Variants in GNAQ observed in about 807,000 individuals in gnomAD.
GNAQ encodes guanine nucleotide-binding protein G(q) subunit alpha.
In GNAQ, 8 loss-of-function variants were observed where a neutral mutation model predicts 43.9. That is an observed-to-expected ratio of 0.18 (90% CI 0.11 to 0.33). The LOEUF (loss-of-function observed/expected upper bound fraction) is 0.33. Ranked by LOEUF, GNAQ falls within the 10% of genes least tolerant of loss-of-function variation. The pLI, the probability that GNAQ is intolerant of heterozygous loss-of-function variation, is 1.00. For missense variants in GNAQ, 158 were observed against 450.8 expected (o/e 0.35, Z 5.88); for synonymous variants, 155 against 170.7 (o/e 0.91, Z 0.71).
chr9:77,768,159 T>G (rs1165656165), intron 5 of GNAQ, among the ~76,000 whole-genome samples: 2 of 152,210 alleles, frequency 1.3e-5, no homozygotes, highest in African/African-American at 2.4e-5. Flanking sequence ...AGGTCTGGGA[T>G]TTGAATCCAC....
At chr9:77,822,487 A>G (rs1236258600) in intron 2 of GNAQ, among the ~76,000 whole-genome samples, 1 of 152,124 alleles carries the variant, frequency 6.6e-6, no homozygotes, top group Non-Finnish European at 1.5e-5. Flanking sequence ...CTACAATCTC[A>G]TTAACCAGAG....
chr9:77,985,706 C>G (rs539285740), intron 1 of GNAQ, among the ~76,000 whole-genome samples: 1 of 152,198 alleles, frequency 6.6e-6, no homozygotes, highest in South Asian at 2.1e-4. Context: ...CCTGCCTCAG[C>G]CTCCTGAGTA....
chr9:77,925,043 T>C (rs1273200020), intron 1 of GNAQ, among the ~76,000 whole-genome samples: 1 of 152,048 alleles, frequency 6.6e-6, no homozygotes, highest in Non-Finnish European at 1.5e-5. Context: ...AGGTCCCAGC[T>C]CCTGCTGGGT....
intron 1 of GNAQ, among the ~76,000 whole-genome samples, chr9:77,947,483 G>C (rs749917101): frequency 2.6e-5 from 4 of 152,158 alleles, no homozygotes; most frequent in Non-Finnish European, 5.9e-5. Context: ...ATGCATGTGT[G>C]GGTACAAGAA....
At chr9:77,759,890 C>T (rs1456844570) in intron 5 of GNAQ, among the ~76,000 whole-genome samples, 12 of 92,890 alleles carry the variant, frequency 1.3e-4, no homozygotes, top group Admixed American at 2.2e-4. Context: ...TTTTCTCTCT[C>T]TTTTTTTCTT....
intron 1 of GNAQ, among the ~76,000 whole-genome samples, chr9:77,957,364 A>C (rs185330321): frequency 2.0e-5 from 3 of 152,136 alleles, no homozygotes; most frequent in Non-Finnish European, 2.9e-5. Context: ...TCAAAAAAAA[A>C]CAAAAAAACA....
At chr9:77,792,184 G>C (rs1826585928) in intron 5 of GNAQ, among the ~76,000 whole-genome samples, 1 of 152,146 alleles carries the variant, frequency 6.6e-6, no homozygotes, top group Non-Finnish European at 1.5e-5. Flanking sequence ...GGCTTGACTA[G>C]AGGTCTCAGA....
At chr9:78,013,837 T>C (rs1483698863) in intron 1 of GNAQ, among the ~76,000 whole-genome samples, 1 of 152,186 alleles carries the variant, frequency 6.6e-6, no homozygotes, top group Non-Finnish European at 1.5e-5. Flanking sequence ...CATACTCATT[T>C]ATTAACAAAC....
intron 1 of GNAQ, among the ~76,000 whole-genome samples, chr9:77,980,254 C>T (rs1423424946): frequency 3.3e-5 from 5 of 152,170 alleles, no homozygotes; most frequent in African/African-American, 1.2e-4. Flanking sequence ...AAAAGCATAG[C>T]CCCTGGTGCT....
chr9:77,966,617 A>C (rs1823170544), intron 1 of GNAQ, among the ~76,000 whole-genome samples: 1 of 152,204 alleles, frequency 6.6e-6, no homozygotes, highest in African/African-American at 2.4e-5. Context: ...CCCAGGGGAA[A>C]GTAAATAGGG....
chr9:77,812,758 T>TA (rs1564118093), intron 3 of GNAQ, among the ~76,000 whole-genome samples: 1 of 152,100 alleles, frequency 6.6e-6, no homozygotes, highest in Non-Finnish European at 1.5e-5. Flanking sequence ...CCTACTTTTT[T>TA]AAAAAAGATA....
In GNAQ at chr9:77,956,307, T is replaced by C. The variant is rs759210628; in HGVS notation, c.137-33962A>G. Among the ~76,000 whole-genome samples the C allele has an allele frequency of 4.6e-5, 7 of 152,334 alleles. No individual in the cohort carries two copies. In the East Asian group the frequency reaches 5.8e-4, roughly 13 times the overall value. ...AGAGAGGGAATTTGAAGGGAACTAC[T>C]AGAAAAACAATTCTTGATTACTTGT... On this transcript the variant is annotated intron_variant, in intron 1 of 6. Transcript: ENST00000286548.
chr9:77,838,800 T>C (rs1422719711), intron 2 of GNAQ, among the ~76,000 whole-genome samples: 2 of 152,140 alleles, frequency 1.3e-5, no homozygotes, highest in Non-Finnish European at 1.5e-5. Flanking sequence ...ATTTAATATA[T>C]ATATATAAAT....
At chr9:77,948,352 A>G (rs1292869344) in intron 1 of GNAQ, among the ~76,000 whole-genome samples, 1 of 152,244 alleles carries the variant, frequency 6.6e-6, no homozygotes, top group Non-Finnish European at 1.5e-5. Context: ...CTGCAGGCTC[A>G]CTATCCCAAC....
At chr9:77,993,858 T>C (rs1823537721) in intron 1 of GNAQ, among the ~76,000 whole-genome samples, 1 of 152,174 alleles carries the variant, frequency 6.6e-6, no homozygotes, top group East Asian at 1.9e-4. Context: ...TTTGAAATGA[T>C]TTATATAGAG....
rs193002831 is a variant in GNAQ at position 78,001,001 on chromosome 9, G to A, written c.136+30099C>T. Among the ~76,000 whole-genome samples the A allele has an allele frequency of 1.8e-3, 272 of 152,244 alleles. 1 individual carries two copies. Among genetic ancestry groups the A allele is most frequent in the African/African-American group, 6.1e-3 (252 of 41,544 alleles). On this transcript the variant is annotated intron_variant, in intron 1 of 6. Coordinates refer to ENST00000286548, the MANE Select transcript of GNAQ (RefSeq NM_002072.5). Reference sequence around the variant, plus strand: ...GACTAGCTGGGTATCAGAGCAGCACGCAAATCTGACAGAAAACAGCAAATA... The same window carrying A: ...GACTAGCTGGGTATCAGAGCAGCACACAAATCTGACAGAAAACAGCAAATA...
At chr9:77,981,357 T>C (rs1222287774) in intron 1 of GNAQ, among the ~76,000 whole-genome samples, 2 of 152,230 alleles carry the variant, frequency 1.3e-5, no homozygotes, top group Non-Finnish European at 2.9e-5. Flanking sequence ...AAGGATACTT[T>C]CAACTGTTTA....
intron 1 of GNAQ, among the ~76,000 whole-genome samples, chr9:77,978,491 T>C (rs576747997): frequency 3.6e-4 from 55 of 152,344 alleles, no homozygotes; most frequent in African/African-American, 1.3e-3. Context: ...TCCCTTTGCA[T>C]TGCTAGATTT....
intron 5 of GNAQ, among the ~76,000 whole-genome samples, chr9:77,765,148 T>A (rs1826114664): frequency 6.6e-6 from 1 of 151,604 alleles, no homozygotes; most frequent in South Asian, 2.1e-4. Context: ...AGAAGTGCTG[T>A]AAAGAACTTA....
Sources: gnomAD v4.1 joint callset for allele counts (sites outside exome capture counted in the v4.1 genomes callset) on GRCh38, gnomAD v4.1.1 for gene constraint, MANE v1.5 for transcripts, NCBI Gene and HGNC (gene_info 2026-07-23, HGNC 2026-07-21) for gene names.